Variants in HIGD1C observed in about 807,000 individuals in gnomAD.
The protein encoded by HIGD1C is HIG1 hypoxia inducible domain family member 1C.
HIGD1C carries 11 observed loss-of-function variants against 13.1 expected under a neutral mutation model. The ratio of observed to expected loss-of-function variants is 0.84; its 90% CI spans 0.53 to 1.39. The LOEUF (loss-of-function observed/expected upper bound fraction) is 1.39, where lower values mean the gene tolerates loss of function less well. Among genes scored for constraint, HIGD1C ranks in the 40% most tolerant of loss-of-function variants. HIGD1C has a pLI of 0.00. For synonymous variants in HIGD1C, 36 were observed against 37.7 expected (o/e 0.95, Z 0.17); for missense variants, 110 against 112.0 (o/e 0.98, Z 0.08).
the HIGD1C span, among the ~76,000 whole-genome samples, chr12:50,939,601 T>C: frequency 2.0e-5 from 3 of 152,184 alleles, no homozygotes; most frequent in African/African-American, 7.2e-5. Context: ...TGGAAAACCA[T>C]GAGGTTTGGA....
At chr12:50,938,219 C>A in the HIGD1C span, among the ~76,000 whole-genome samples, 2 of 151,358 alleles carry the variant, frequency 1.3e-5, no homozygotes, top group Non-Finnish European at 3.0e-5. Flanking sequence ...CCCCTACACA[C>A]CCCTCGGTGT....
At chr12:50,960,723 A>C (rs56087503) in intron 1 of HIGD1C, among the ~76,000 whole-genome samples, 27,843 of 152,044 alleles carry the variant, frequency 0.18, 2,923 homozygotes, top group East Asian at 0.5. Flanking sequence ...CACTCTGTCA[A>C]CCAGGCTGTA....
At chr12:50,952,762 A>C (rs555942410), upstream of HIGD1C, among the ~76,000 whole-genome samples, 102 of 152,336 alleles carry the variant, frequency 6.7e-4, no homozygotes, top group Admixed American at 2.0e-3. Flanking sequence ...TTCCAACTGC[A>C]GGGAGCGCAC....
upstream of HIGD1C, chr12:50,953,787 A>ATTTTTTTT: frequency 1.2e-5 from 6 of 506,364 alleles, no homozygotes; most frequent in Non-Finnish European, 1.8e-5. Flanking sequence ...TCCTCTATGT[A>ATTTTTTTT]TTTTTTTCTT....
the HIGD1C span, among the ~76,000 whole-genome samples, chr12:50,941,540 C>T: frequency 4.1e-3 from 631 of 152,108 alleles, 7 homozygotes; most frequent in African/African-American, 0.015. Flanking sequence ...GTGGGAGGGG[C>T]GGTATGGTCA....
At chr12:50,943,495 G>A in the HIGD1C span, among the ~76,000 whole-genome samples, 3 of 152,072 alleles carry the variant, frequency 2.0e-5, no homozygotes, top group Non-Finnish European at 4.4e-5. Context: ...TGGATCACAA[G>A]GTCAGGAGAT....
At chr12:50,958,441 C>T (rs1939195833) in intron 1 of HIGD1C, among the ~76,000 whole-genome samples, 1 of 151,470 alleles carries the variant, frequency 6.6e-6, no homozygotes, top group Non-Finnish European at 1.5e-5. Context: ...GCCACCACAC[C>T]CGGCTAATTT....
chr12:50,937,184 C>A, the HIGD1C span, among the ~76,000 whole-genome samples: 1 of 152,202 alleles, frequency 6.6e-6, no homozygotes. Flanking sequence ...GCTAGTGACA[C>A]CCCTGCCCAG....
At chr12:50,951,879 G>A (rs907648116), upstream of HIGD1C, among the ~76,000 whole-genome samples, 4 of 143,362 alleles carry the variant, frequency 2.8e-5, no homozygotes, top group African/African-American at 5.3e-5. Context: ...CCAAGATTGC[G>A]CCATCACACT....
At chr12:50,951,827 CAGG>C (rs1295705394), upstream of HIGD1C, among the ~76,000 whole-genome samples, 1 of 149,524 alleles carries the variant, frequency 6.7e-6, no homozygotes, top group Non-Finnish European at 1.5e-5. Flanking sequence ...GAGGCTGAGG[CAGG>C]AGAATTGCTT....
chr12:50,947,396 T>C, the HIGD1C span, among the ~76,000 whole-genome samples: 3 of 152,100 alleles, frequency 2.0e-5, no homozygotes, highest in South Asian at 6.2e-4. Flanking sequence ...TATTTCCTTT[T>C]CCAGTTTGTA....
At chr12:50,955,496 C>G (rs539677239) in intron 1 of HIGD1C, among the ~76,000 whole-genome samples, 1 of 152,220 alleles carries the variant, frequency 6.6e-6, no homozygotes, top group East Asian at 1.9e-4. Context: ...TTCATTTTGT[C>G]TGGAAACTAT....
At chr12:50,965,930 G>A (rs1156870822) in intron 2 of HIGD1C, among the ~76,000 whole-genome samples, 2 of 152,174 alleles carry the variant, frequency 1.3e-5, no homozygotes, top group Admixed American at 1.3e-4. Flanking sequence ...ATTGGTCAAG[G>A]AGCCCTGGCT....
the HIGD1C span, among the ~76,000 whole-genome samples, chr12:50,945,072 T>C: frequency 5.3e-5 from 8 of 152,152 alleles, no homozygotes; most frequent in Non-Finnish European, 7.3e-5. Context: ...TAGGTGTTGA[T>C]GGGACGTATC....
chr12:50,946,960 C>A, the HIGD1C span, among the ~76,000 whole-genome samples: 1 of 152,150 alleles, frequency 6.6e-6, no homozygotes, highest in Admixed American at 6.6e-5. Context: ...TATGTCTGAT[C>A]TGTGTAATAT....
chr12:50,962,346 G>A (rs896210557), intron 2 of HIGD1C, among the ~76,000 whole-genome samples: 7 of 152,104 alleles, frequency 4.6e-5, no homozygotes, highest in Admixed American at 1.3e-4. Context: ...GGGAGGTGGA[G>A]GTTGCAGTGA....
At chr12:50,970,625 T>C, downstream of HIGD1C, 1 of 642,084 alleles carries the variant, frequency 1.6e-6, no homozygotes, top group Non-Finnish European at 2.7e-6. Flanking sequence ...CTCATAGCCT[T>C]TGTATTTCAA....
At chr12:50,939,138 T>C in the HIGD1C span, among the ~76,000 whole-genome samples, 1 of 152,170 alleles carries the variant, frequency 6.6e-6, no homozygotes, top group Admixed American at 6.5e-5. Context: ...CAATCTTTCT[T>C]AACAGTTTAT....
chr12:50,956,059 G>A (rs1195486653), intron 1 of HIGD1C, among the ~76,000 whole-genome samples: 1 of 152,190 alleles, frequency 6.6e-6, no homozygotes, highest in East Asian at 1.9e-4. Flanking sequence ...ATTTGATTAA[G>A]GGAATAGAGA....
Sources: gnomAD v4.1 joint callset for allele counts (sites outside exome capture counted in the v4.1 genomes callset) on GRCh38, gnomAD v4.1.1 for gene constraint, MANE v1.5 for transcripts, NCBI Gene and HGNC (gene_info 2026-07-23, HGNC 2026-07-21) for gene names.